Variants in AUTS2 observed in about 807,000 individuals in gnomAD.
The protein encoded by AUTS2 is activator of transcription and developmental regulator AUTS2.
In AUTS2, 17 loss-of-function variants were observed where a neutral mutation model predicts 112.4. The ratio of observed to expected loss-of-function variants is 0.15; its 90% CI spans 0.10 to 0.23. The LOEUF (loss-of-function observed/expected upper bound fraction) is 0.23, where lower values mean the gene tolerates loss of function less well. Ranked by LOEUF, AUTS2 falls within the 10% of genes least tolerant of loss-of-function variation. The probability of loss-of-function intolerance (pLI) is 1.00; values close to 1 mark genes in which losing one functional copy is unlikely to be tolerated. For synonymous variants in AUTS2, 751 were observed against 702.7 expected (o/e 1.07, Z -1.09); for missense variants, 1,510 against 1,701.6 (o/e 0.89, Z 1.98).
chr7:69,734,056 A>G (rs528938101), intron 1 of AUTS2, among the ~76,000 whole-genome samples: 95 of 152,256 alleles, frequency 6.2e-4, no homozygotes, highest in South Asian at 2.5e-3. Context: ...CTTCGCTAAT[A>G]TTTAGAGTCA....
chr7:70,118,185 A>C lies in AUTS2; in HGVS notation c.576A>C (p.Gly192=), dbSNP rs755480032. 11 of 1,610,642 alleles carry C rather than the reference A, an allele frequency of 6.8e-6. No homozygotes were observed. Among genetic ancestry groups the C allele is most frequent in the Non-Finnish European group, 9.3e-6 (11 of 1,178,876 alleles). ...CRDSDSESAS[G]ESKGFHRSSS... ...ACAGTGACAGTGAAAGTGCCAGTGG[A>C]GAATCCAAGGGCTTCCACCGGAGCA... The change falls in exon 3 of 19, where the codon GGA becomes GGC. Residue 192 remains glycine (G), a synonymous_variant. Coordinates refer to ENST00000342771, the MANE Select transcript of AUTS2 (RefSeq NM_015570.4).
intron 2 of AUTS2, among the ~76,000 whole-genome samples, chr7:70,017,933 A>G (rs1433903584): frequency 1.3e-5 from 2 of 151,446 alleles, no homozygotes; most frequent in African/African-American, 4.8e-5. Context: ...ATTTTGAAAG[A>G]TAGTGAGGCA....
At chr7:70,069,407 A>C (rs1802648903) in intron 2 of AUTS2, among the ~76,000 whole-genome samples, 1 of 152,192 alleles carries the variant, frequency 6.6e-6, no homozygotes, top group South Asian at 2.1e-4. Context: ...CTTCATCATT[A>C]ATTTCCTAGC....
At chr7:69,886,733 C>G (rs544710823) in intron 1 of AUTS2, among the ~76,000 whole-genome samples, 1 of 151,488 alleles carries the variant, frequency 6.6e-6, no homozygotes, top group African/African-American at 2.4e-5. Flanking sequence ...CAAGAGTTCT[C>G]TGCTGCCTGT....
intron 2 of AUTS2, among the ~76,000 whole-genome samples, chr7:70,005,135 T>G (rs1348378462): frequency 6.6e-6 from 1 of 152,058 alleles, no homozygotes; most frequent in African/African-American, 2.4e-5. Flanking sequence ...TTGAAATATT[T>G]TTTTTTTAAG....
chr7:70,494,897 T>C (rs1798389773), intron 5 of AUTS2, among the ~76,000 whole-genome samples: 1 of 152,172 alleles, frequency 6.6e-6, no homozygotes, highest in East Asian at 1.9e-4. Flanking sequence ...CAGTCACTGT[T>C]ATTCCTTACC....
At chr7:70,012,948 A>G (rs1254794883) in intron 2 of AUTS2, among the ~76,000 whole-genome samples, 5 of 152,202 alleles carry the variant, frequency 3.3e-5, no homozygotes, top group Non-Finnish European at 5.9e-5. Context: ...GTGTGCATGT[A>G]TGTGTGTTTT....
intron 1 of AUTS2, among the ~76,000 whole-genome samples, chr7:69,746,892 A>G (rs1787520308): frequency 1.3e-5 from 2 of 152,194 alleles, no homozygotes; most frequent in African/African-American, 4.8e-5. Flanking sequence ...GGACACCATC[A>G]TCAGCCATTG....
At chr7:69,759,415 A>T (rs1165358343) in intron 1 of AUTS2, among the ~76,000 whole-genome samples, 3 of 146,524 alleles carry the variant, frequency 2.0e-5, no homozygotes, top group Non-Finnish European at 2.9e-5. Context: ...CAAAGTTTTG[A>T]CTGTGTTTTG....
At chr7:70,598,220 C>T (rs186165421) in intron 5 of AUTS2, among the ~76,000 whole-genome samples, 19 of 152,250 alleles carry the variant, frequency 1.2e-4, no homozygotes, top group African/African-American at 4.1e-4. Flanking sequence ...TCCCCTCTCC[C>T]CTAGTCCTGT....
At chr7:70,554,293 T>G (rs1321486001) in intron 5 of AUTS2, among the ~76,000 whole-genome samples, 1 of 150,694 alleles carries the variant, frequency 6.6e-6, no homozygotes, top group African/African-American at 2.4e-5. Flanking sequence ...GGTCTCGAAC[T>G]CCTGACCTCA....
intron 5 of AUTS2, among the ~76,000 whole-genome samples, chr7:70,562,247 C>T (rs1801519441): frequency 6.6e-6 from 1 of 152,198 alleles, no homozygotes; most frequent in Admixed American, 6.5e-5. Flanking sequence ...ACATGGGTGC[C>T]ACAAACCAGT....
At chr7:70,141,642 T>C (rs1806869077) in intron 4 of AUTS2, among the ~76,000 whole-genome samples, 1 of 152,146 alleles carries the variant, frequency 6.6e-6, no homozygotes, top group Non-Finnish European at 1.5e-5. Context: ...GAATCTAAGG[T>C]GCATTCTGAC....
intron 7 of AUTS2, 86 bp downstream of exon 7, chr7:70,763,427 G>T: frequency 3.2e-6 from 3 of 952,278 alleles, no homozygotes; most frequent in Non-Finnish European, 4.7e-6. Flanking sequence ...TCCCTAGGGA[G>T]ACTGAGGTTT....
At chr7:69,671,617 G>C (rs1243904114) in intron 1 of AUTS2, among the ~76,000 whole-genome samples, 1 of 151,382 alleles carries the variant, frequency 6.6e-6, no homozygotes, top group Non-Finnish European at 1.5e-5. Context: ...TGAAAGTTTG[G>C]GATGGATCTC....
rs141657469 is a variant in AUTS2, at chr7:70,504,509, A to G, written c.690+68728A>G. Reference sequence around the variant, plus strand: ...GATTATGGGCAGAGAGGACTTGCAGATGAAATGTGAATAGCAGTGTAGATG... The same window carrying G: ...GATTATGGGCAGAGAGGACTTGCAGGTGAAATGTGAATAGCAGTGTAGATG... On this transcript the variant is annotated intron_variant, in intron 5 of 18. Coordinates refer to ENST00000342771, the MANE Select transcript of AUTS2 (RefSeq NM_015570.4). Among the ~76,000 whole-genome samples the G allele has an allele frequency of 3.4e-3, 515 of 152,314 alleles. 4 individuals carry two copies. Among genetic ancestry groups the G allele is most frequent in the African/African-American group, 0.012 (488 of 41,578 alleles).
At chr7:69,912,554 T>C (rs893784911) in intron 2 of AUTS2, among the ~76,000 whole-genome samples, 1 of 152,208 alleles carries the variant, frequency 6.6e-6, no homozygotes, top group Non-Finnish European at 1.5e-5. Context: ...CCAGATAGAC[T>C]AAGGAGACAA....
intron 4 of AUTS2, among the ~76,000 whole-genome samples, chr7:70,363,444 T>TA (rs1765686532): frequency 8.1e-6 from 1 of 123,930 alleles, no homozygotes; most frequent in South Asian, 2.5e-4. Flanking sequence ...CCCTAAAACT[T>TA]AGAGTATAAT....
chr7:70,771,827 C>T (rs1012879575), intron 11 of AUTS2, among the ~76,000 whole-genome samples, 183 bp downstream of exon 11: 4 of 152,124 alleles, frequency 2.6e-5, no homozygotes, highest in East Asian at 1.9e-4. Flanking sequence ...TTTAAATGGC[C>T]GTGAAAATTT....
Sources: gnomAD v4.1 joint callset for allele counts (sites outside exome capture counted in the v4.1 genomes callset) on GRCh38, gnomAD v4.1.1 for gene constraint, MANE v1.5 for transcripts, NCBI Gene and HGNC (gene_info 2026-07-23, HGNC 2026-07-21) for gene names.